Variants in MMP20 observed in about 807,000 individuals in gnomAD.
The protein encoded by MMP20 is matrix metallopeptidase 20.
In MMP20, 50 loss-of-function variants were observed where a neutral mutation model predicts 51.8. The ratio of observed to expected loss-of-function variants is 0.97; its 90% CI spans 0.77 to 1.22. The LOEUF (loss-of-function observed/expected upper bound fraction) is 1.22, where lower values mean the gene tolerates loss of function less well. Among genes scored for constraint, MMP20 ranks in the 50% most tolerant of loss-of-function variants. The probability of loss-of-function intolerance (pLI) is 0.00; values close to 1 mark genes in which losing one functional copy is unlikely to be tolerated. For missense variants in MMP20, 663 were observed against 601.4 expected, an observed-to-expected ratio of 1.10 and a Z score of -1.07; for synonymous variants, 244 against 216.2, an observed-to-expected ratio of 1.13 and a Z score of -1.13.
intron 8 of MMP20, among the ~76,000 whole-genome samples, chr11:102,583,221 G>C (rs1859216183): frequency 1.3e-5 from 2 of 152,118 alleles, no homozygotes; most frequent in African/African-American, 4.8e-5. Flanking sequence ...CCAGACCTAT[G>C]TTTTCTACTG....
intron 1 of MMP20, among the ~76,000 whole-genome samples, chr11:102,623,426 G>C (rs1802527701): frequency 6.6e-6 from 1 of 152,124 alleles, no homozygotes; most frequent in African/African-American, 2.4e-5. Flanking sequence ...ATTGTGAACT[G>C]CATGTGTGAG....
chr11:102,588,627 AAAG>A (rs1424158594), intron 8 of MMP20, among the ~76,000 whole-genome samples: 2 of 152,250 alleles, frequency 1.3e-5, no homozygotes, highest in Non-Finnish European at 1.5e-5. Flanking sequence ...TTAAGAGAAT[AAAG>A]AAGAAGAAAT....
intron 8 of MMP20, among the ~76,000 whole-genome samples, chr11:102,584,135 G>A (rs1208780744): frequency 6.6e-6 from 1 of 152,172 alleles, no homozygotes; most frequent in Non-Finnish European, 1.5e-5. Flanking sequence ...CTTCTCTTGG[G>A]TATATCCTCA....
chr11:102,595,434 A>G (rs1209331075), intron 6 of MMP20, among the ~76,000 whole-genome samples: 1 of 152,202 alleles, frequency 6.6e-6, no homozygotes, highest in Admixed American at 6.5e-5. Context: ...ATATCACTTG[A>G]TACAAATTTC....
chr11:102,581,725 A>G (rs1417153395), intron 8 of MMP20, among the ~76,000 whole-genome samples: 1 of 152,182 alleles, frequency 6.6e-6, no homozygotes, highest in Non-Finnish European at 1.5e-5. Context: ...CACAATGTTC[A>G]ATGAAAATAA....
intron 8 of MMP20, among the ~76,000 whole-genome samples, chr11:102,587,541 G>A (rs948410841): frequency 9.9e-5 from 15 of 151,962 alleles, no homozygotes; most frequent in African/African-American, 3.6e-4. Context: ...CTGAAAGTGG[G>A]GTATTGAAAT....
intron 8 of MMP20, among the ~76,000 whole-genome samples, chr11:102,583,863 T>C (rs961664861): frequency 6.6e-6 from 1 of 152,256 alleles, no homozygotes; most frequent in African/African-American, 2.4e-5. Flanking sequence ...TTGCCTATTA[T>C]GGACATTTTA....
intron 1 of MMP20, among the ~76,000 whole-genome samples, chr11:102,617,995 C>T (rs867652465): frequency 1.3e-5 from 2 of 152,168 alleles, no homozygotes; most frequent in Non-Finnish European, 2.9e-5. Flanking sequence ...CACAGATGCT[C>T]AAGTCTCTGA....
At chr11:102,625,028 C>G (rs1035402797) in intron 1 of MMP20, among the ~76,000 whole-genome samples, 166 bp downstream of exon 1, 2 of 152,128 alleles carry the variant, frequency 1.3e-5, no homozygotes, top group African/African-American at 2.4e-5. Flanking sequence ...TAATATGCAC[C>G]AGACACCAAT....
At chr11:102,617,423 T>G (rs1490462624) in intron 1 of MMP20, among the ~76,000 whole-genome samples, 2 of 152,244 alleles carry the variant, frequency 1.3e-5, no homozygotes, top group African/African-American at 4.8e-5. Context: ...GGATCACTTA[T>G]TTGTCACTGA....
At chr11:102,586,024 T>C (rs1346834335) in intron 8 of MMP20, among the ~76,000 whole-genome samples, 2 of 152,214 alleles carry the variant, frequency 1.3e-5, no homozygotes, top group African/African-American at 4.8e-5. Context: ...AGGATCTTTG[T>C]AGCCATATTC....
chr11:102,588,651 A>G lies in MMP20; in HGVS notation c.1247+4788T>C, dbSNP rs151161313. ...TAAAGAAGAAGAAATATGCATTTAT[A>G]CTGTCTTTTACATAATTACACTTAC... On this transcript the variant is annotated intron_variant, in intron 8 of 9. Transcript: ENST00000260228. 4.5e-4 allele frequency among the ~76,000 whole-genome samples: 68 copies of G among 152,376 alleles called. 1 individual carries two copies. The highest frequency in any genetic ancestry group is 1.5e-3 in the African/African-American group (62 of 41,590).
chr11:102,610,664 A>G (rs1208771178), intron 3 of MMP20, among the ~76,000 whole-genome samples: 1 of 152,166 alleles, frequency 6.6e-6, no homozygotes, highest in South Asian at 2.1e-4. Context: ...CTAACAATTC[A>G]TTACAAATTT....
chr11:102,596,999 AC>A (rs1183915311), intron 6 of MMP20, among the ~76,000 whole-genome samples: 1 of 152,226 alleles, frequency 6.6e-6, no homozygotes, highest in Non-Finnish European at 1.5e-5. Context: ...GCAATTCAAT[AC>A]ATAGCTCTGA....
At chr11:102,579,002 A>G in intron 9 of MMP20, 37 bp downstream of exon 9, 1 of 1,425,926 alleles carries the variant, frequency 7.0e-7, no homozygotes. Context: ...TTCTTATGAT[A>G]GTTTTCATGA....
At chr11:102,608,357 A>G (rs1859546457) in intron 5 of MMP20, among the ~76,000 whole-genome samples, 1 of 152,172 alleles carries the variant, frequency 6.6e-6, no homozygotes, top group Non-Finnish European at 1.5e-5. Flanking sequence ...TACCTTTTGG[A>G]AGAATATTAA....
chr11:102,591,743 C>T (rs551699677), intron 8 of MMP20, among the ~76,000 whole-genome samples: 7 of 152,250 alleles, frequency 4.6e-5, no homozygotes, highest in Admixed American at 1.3e-4. Context: ...AGGTACAGTA[C>T]GATTTTCTCT....
At chr11:102,605,393 G>A (rs1215634295) in intron 6 of MMP20, 2 of 152,042 alleles carry the variant, frequency 1.3e-5, no homozygotes, top group Non-Finnish European at 2.9e-5. Flanking sequence ...GGTAAATTTT[G>A]CTTTTTAAAA....
At chr11:102,620,512 T>C (rs1019838200) in intron 1 of MMP20, among the ~76,000 whole-genome samples, 3 of 64,800 alleles carry the variant, frequency 4.6e-5, no homozygotes, top group African/African-American at 9.2e-5. Flanking sequence ...ATTGTTAAAA[T>C]TGTAGATTTT....
Sources: gnomAD v4.1 joint callset for allele counts (sites outside exome capture counted in the v4.1 genomes callset) on GRCh38, gnomAD v4.1.1 for gene constraint, MANE v1.5 for transcripts, NCBI Gene and HGNC (gene_info 2026-07-23, HGNC 2026-07-21) for gene names.